The following TRERF1 variants were observed in gnomAD, a reference collection of about 807,000 sequenced individuals.
The protein encoded by TRERF1 is transcriptional regulating factor 1, also known as transcriptional-regulating factor 1.
TRERF1 carries 27 observed loss-of-function variants against 122.9 expected under a neutral mutation model. The observed-to-expected ratio is 0.22, with a 90% confidence interval of 0.16 to 0.30. The LOEUF (loss-of-function observed/expected upper bound fraction) is 0.30, where lower values mean the gene tolerates loss of function less well. Among genes scored for constraint, TRERF1 ranks in the 10% least tolerant of loss-of-function variants. The probability of loss-of-function intolerance (pLI) is 1.00; values close to 1 mark genes in which losing one functional copy is unlikely to be tolerated. For missense variants in TRERF1, 1,248 were observed against 1,560.3 expected, an observed-to-expected ratio of 0.80 and a Z score of 3.37; for synonymous variants, 636 against 641.7, an observed-to-expected ratio of 0.99 and a Z score of 0.13.
intron 3 of TRERF1, among the ~76,000 whole-genome samples, chr6:42,338,983 G>C (rs1363237750): frequency 6.6e-6 from 1 of 152,182 alleles, no homozygotes; most frequent in East Asian, 1.9e-4. Flanking sequence ...AGAGAGGCTG[G>C]AAAAGCTAAA....
At chr6:42,310,149 G>A (rs937346262) in intron 3 of TRERF1, among the ~76,000 whole-genome samples, 5 of 152,112 alleles carry the variant, frequency 3.3e-5, no homozygotes, top group African/African-American at 1.2e-4. Flanking sequence ...TGTCACCCAG[G>A]CTGGAGTGCA....
chr6:42,340,666 T>A (rs1767096208), intron 3 of TRERF1, among the ~76,000 whole-genome samples: 2 of 152,198 alleles, frequency 1.3e-5, no homozygotes, highest in South Asian at 2.1e-4. Context: ...AGTGGTGCAA[T>A]CATAACTCAC....
intron 15 of TRERF1, among the ~76,000 whole-genome samples, chr6:42,242,963 G>C (rs1774023810): frequency 6.6e-6 from 1 of 152,114 alleles, no homozygotes; most frequent in East Asian, 1.9e-4. Flanking sequence ...CCCAAGGCTG[G>C]GACCATCCTT....
At chr6:42,413,218 TATC>T (rs946569201) in intron 2 of TRERF1, among the ~76,000 whole-genome samples, 3 of 152,148 alleles carry the variant, frequency 2.0e-5, no homozygotes, top group Admixed American at 6.5e-5. Context: ...TAGTTAGAAG[TATC>T]ATCTTTTTAA....
Position 42,243,823 on chromosome 6 carries a change from G to A in TRERF1, c.2746-462C>T, listed in dbSNP as rs868520713. Among the ~76,000 whole-genome samples the A allele has an allele frequency of 2.1e-4, 31 of 148,786 alleles. No homozygotes were observed. The Middle Eastern group carries it at 0.011, about 52-fold the overall frequency. The stretch of plus-strand genomic sequence containing the variant: ...TCTTGATCTCCTGACCTCGTGATCC[G>A]CCCACCTCGGCCTCCCAAAGCACTG... On this transcript the variant is annotated intron_variant, in intron 14 of 17. Transcript: ENST00000372922.
chr6:42,416,105 T>C (rs941123793), intron 2 of TRERF1, among the ~76,000 whole-genome samples: 12 of 152,190 alleles, frequency 7.9e-5, no homozygotes, highest in Admixed American at 2.0e-4. Context: ...TCATATTTTC[T>C]AGCTGGATAT....
chr6:42,229,088 C>T (rs1427465752), intron 17 of TRERF1, among the ~76,000 whole-genome samples: 1 of 152,208 alleles, frequency 6.6e-6, no homozygotes, highest in African/African-American at 2.4e-5. Flanking sequence ...TGCCTCTGGC[C>T]TCTGTCCCTG....
intron 2 of TRERF1, among the ~76,000 whole-genome samples, chr6:42,436,814 A>AATATATATATAT (rs56057543): frequency 1.4e-3 from 95 of 66,684 alleles, no homozygotes; most frequent in Non-Finnish European, 2.2e-3. Context: ...AAAAAAAAAA[A>AATATATATATAT]ATATATATAT....
chr6:42,289,989 G>A (rs1309722073), intron 4 of TRERF1, among the ~76,000 whole-genome samples: 1 of 152,200 alleles, frequency 6.6e-6, no homozygotes, highest in Non-Finnish European at 1.5e-5. Flanking sequence ...AGCACTGGGA[G>A]AGCTGTTTCA....
chr6:42,413,267 T>C (rs930069755), intron 2 of TRERF1, among the ~76,000 whole-genome samples: 1 of 152,106 alleles, frequency 6.6e-6, no homozygotes, highest in Non-Finnish European at 1.5e-5. Flanking sequence ...GATACTTGGG[T>C]ACTTAGTATC....
rs1240002777 is a variant in TRERF1, at chr6:42,273,227, A to G, written c.-258-3379T>C. Reference sequence around the variant, plus strand: ...TTCCGCTTGTAATTGCACTTCCACCAGTGCAATTATTTGATTAATGGATCT... The same window carrying G: ...TTCCGCTTGTAATTGCACTTCCACCGGTGCAATTATTTGATTAATGGATCT... On this transcript the variant is annotated intron_variant, in intron 4 of 17. Transcript: ENST00000372922. Among the ~76,000 whole-genome samples the G allele has an allele frequency of 4.6e-5, 7 of 152,004 alleles. No individual in the cohort carries two copies. The East Asian group carries it at 7.7e-4, about 17-fold the overall frequency.
At chr6:42,289,335 AAAAC>A (rs1460743360) in intron 4 of TRERF1, among the ~76,000 whole-genome samples, 1 of 139,170 alleles carries the variant, frequency 7.2e-6, no homozygotes, top group African/African-American at 2.7e-5. Context: ...TGTCTCAAAA[AAAAC>A]AAACAAACAA....
intron 3 of TRERF1, among the ~76,000 whole-genome samples, chr6:42,336,507 T>G (rs1766212714): frequency 6.6e-6 from 1 of 152,136 alleles, no homozygotes; most frequent in Admixed American, 6.5e-5. Context: ...GACTGCCTTA[T>G]TTCACCTACT....
chr6:42,255,078 G>A, intron 12 of TRERF1, 152 bp from the exon 13 acceptor site: 1 of 675,980 alleles, frequency 1.5e-6, no homozygotes, highest in East Asian at 2.7e-5. Context: ...CCCCTAACTA[G>A]GGTTTCATGT....
At chr6:42,375,003 C>CAAAAAAAAAAAAAAAAAA in intron 2 of TRERF1, among the ~76,000 whole-genome samples, 1 of 87,514 alleles carries the variant, frequency 1.1e-5, no homozygotes, top group Non-Finnish European at 2.3e-5. Context: ...AAGATTCTGT[C>CAAAAAAAAAAAAAAAAAA]AAAAAAAAAA....
chr6:42,434,651 C>G (rs1784983011), intron 2 of TRERF1, among the ~76,000 whole-genome samples: 1 of 143,282 alleles, frequency 7.0e-6, no homozygotes, highest in African/African-American at 2.6e-5. Flanking sequence ...AACTGGAACA[C>G]CAGCAGACAC....
chr6:42,346,912 G>A (rs982534837), intron 3 of TRERF1, among the ~76,000 whole-genome samples: 1 of 152,216 alleles, frequency 6.6e-6, no homozygotes, highest in African/African-American at 2.4e-5. Flanking sequence ...TGACTACTGT[G>A]TCCTTCCTGC....
chr6:42,360,770 T>TAAAAAAAAAAAAAAAAAAAAAAAAA lies in TRERF1; in HGVS notation c.-371+2226_-371+2227insTTTTTTTTTTTTTTTTTTTTTTTTT. Among the ~76,000 whole-genome samples, 2 of 64,098 alleles carry TAAAAAAAAAAAAAAAAAAAAAAAAA rather than the reference T, an allele frequency of 3.1e-5. 1 individual carries two copies. Among genetic ancestry groups the TAAAAAAAAAAAAAAAAAAAAAAAAA allele is most frequent in the African/African-American group, 9.2e-5 (2 of 21,632 alleles). 42.1% of individuals were successfully genotyped at this position (64,098 alleles called of 152,430 possible). ...ACCCAGGGAGGAAGGAGTGGAGAGA[T>TAAAAAAAAAAAAAAAAAAAAAAAAA]TAAAAAAAAAAAAAAAAAAAAAAAA... On this transcript the variant is annotated intron_variant, in intron 3 of 17. Transcript: ENST00000372922.
At chr6:42,309,475 C>T (rs1787851910) in intron 3 of TRERF1, among the ~76,000 whole-genome samples, 1 of 152,198 alleles carries the variant, frequency 6.6e-6, no homozygotes, top group South Asian at 2.1e-4. Context: ...TTTCAGGCAG[C>T]AGGAATCTCA....
Sources: gnomAD v4.1 joint callset for allele counts (sites outside exome capture counted in the v4.1 genomes callset) on GRCh38, gnomAD v4.1.1 for gene constraint, MANE v1.5 for transcripts, NCBI Gene and HGNC (gene_info 2026-07-23, HGNC 2026-07-21) for gene names.